The following SLC19A2 variants were observed in gnomAD, a reference collection of about 807,000 sequenced individuals.
The protein encoded by SLC19A2 is solute carrier family 19 member 2.
A neutral mutation model predicts 44.7 loss-of-function variants in SLC19A2; 27 were observed. The ratio of observed to expected loss-of-function variants is 0.60; its 90% CI spans 0.45 to 0.83. The LOEUF (loss-of-function observed/expected upper bound fraction) is 0.83, where lower values mean the gene tolerates loss of function less well. Among genes scored for constraint, SLC19A2 ranks in the 40% least tolerant of loss-of-function variants. The pLI is 0.00. For missense variants in SLC19A2, 566 were observed against 613.7 expected (o/e 0.92, Z 0.82); for synonymous variants, 239 against 243.6 (o/e 0.98, Z 0.18).
intron 5 of SLC19A2, among the ~76,000 whole-genome samples, chr1:169,466,786 T>A (rs1467842174): frequency 6.6e-6 from 1 of 151,656 alleles, no homozygotes; most frequent in African/African-American, 2.4e-5. Flanking sequence ...ATGCAGTGTT[T>A]GGTTTTCTGT....
intron 1 of SLC19A2, among the ~76,000 whole-genome samples, chr1:169,483,147 CAG>C (rs1658479985): frequency 6.6e-6 from 1 of 152,164 alleles, no homozygotes; most frequent in Non-Finnish European, 1.5e-5. Flanking sequence ...TGAGAGTAGA[CAG>C]AAGAAATCTT....
chr1:169,472,274 A>G (rs929600296), intron 2 of SLC19A2, among the ~76,000 whole-genome samples: 1 of 152,212 alleles, frequency 6.6e-6, no homozygotes, highest in Non-Finnish European at 1.5e-5. Context: ...TCAGAATTTT[A>G]CTATTTAGCT....
At chr1:169,484,978 G>T (rs577473396) in intron 1 of SLC19A2, among the ~76,000 whole-genome samples, 1 of 152,172 alleles carries the variant, frequency 6.6e-6, no homozygotes, top group African/African-American at 2.4e-5. Flanking sequence ...AGAGGGGCAG[G>T]ATATCCTTGG....
At chr1:169,471,698 G>GTGTGTGTGTGTATA (rs1553212202) in intron 2 of SLC19A2, among the ~76,000 whole-genome samples, 4 of 146,882 alleles carry the variant, frequency 2.7e-5, no homozygotes, top group East Asian at 2.2e-4. Context: ...GTGTGTGTGT[G>GTGTGTGTGTGTATA]TATATATACA....
At chr1:169,475,853 G>C (rs1056294690) in intron 2 of SLC19A2, among the ~76,000 whole-genome samples, 1 of 152,114 alleles carries the variant, frequency 6.6e-6, no homozygotes, top group Admixed American at 6.6e-5. Context: ...GCTGAAGAAC[G>C]GGGATAGAGA....
chr1:169,480,640 CTAAG>C (rs1393846393), intron 1 of SLC19A2, among the ~76,000 whole-genome samples: 5 of 152,198 alleles, frequency 3.3e-5, no homozygotes, highest in East Asian at 3.9e-4. Flanking sequence ...CTCTGTTTGA[CTAAG>C]TGTCACCTTC....
chr1:169,479,708 T>C (rs902792386), intron 1 of SLC19A2, among the ~76,000 whole-genome samples: 2 of 152,230 alleles, frequency 1.3e-5, no homozygotes, highest in African/African-American at 2.4e-5. Context: ...TTTTCCTTCC[T>C]TTTGTCAGTG....
intron 5 of SLC19A2, among the ~76,000 whole-genome samples, chr1:169,467,678 A>C (rs887014325): frequency 1.3e-5 from 2 of 152,222 alleles, no homozygotes; most frequent in Non-Finnish European, 2.9e-5. Flanking sequence ...GCAGCAAGGC[A>C]TTACCGTGGT....
rs2101770217 is a variant in SLC19A2, at chr1:169,464,174, A to C, written c.*1675T>G. The C allele has an allele frequency of 6.5e-6, 1 of 152,724 alleles. No homozygotes were observed. The highest frequency in any genetic ancestry group is 1.9e-4 in the East Asian group (1 of 5,192). The allele number at this position is 152,724 out of a possible 1,614,324, so 9.5% of individuals were successfully genotyped here. A position where few individuals can be genotyped will look rare whatever the true frequency, so the allele number is the denominator to read the frequency against. ...ATTCCAGGGAAATATTGCTTTGGTA[A>C]CATGAACAATTTGTACCACATTCCA... On this transcript the variant is annotated 3_prime_UTR_variant, in exon 6 of 6. Coordinates refer to ENST00000236137, the MANE Select transcript of SLC19A2 (RefSeq NM_006996.3).
rs1193545814 is a variant in SLC19A2 at position 169,477,701 on chromosome 1, A to C, written c.261T>G (p.Pro87=). 2 of 1,613,998 alleles carry C rather than the reference A, an allele frequency of 1.2e-6. No individual in the cohort carries two copies. Among genetic ancestry groups the C allele is most frequent in the Admixed American group, 3.3e-5 (2 of 60,026 alleles). Residue 87 remains proline (P), a synonymous_variant, in exon 2 of 6, where the codon CCT becomes CCG. Transcript: ENST00000236137. The part of the protein sequence containing the change: ...WTYSYLVLLF[P]VFLATDYLRY... ...GGAGGTAGTCTGTGGCAAGGAACACAGGAAACAGTAGCACCAGGTAAGAGT... is the reference window on the plus strand; with the variant it reads ...GGAGGTAGTCTGTGGCAAGGAACACCGGAAACAGTAGCACCAGGTAAGAGT...
chr1:169,475,362 T>C (rs1658281684), intron 2 of SLC19A2, among the ~76,000 whole-genome samples: 1 of 152,146 alleles, frequency 6.6e-6, no homozygotes, highest in African/African-American at 2.4e-5. Flanking sequence ...ATAAAATATA[T>C]ACATACCTAT....
At chr1:169,479,753 T>C (rs2101783053) in intron 1 of SLC19A2, among the ~76,000 whole-genome samples, 1 of 152,356 alleles carries the variant, frequency 6.6e-6, no homozygotes, top group Admixed American at 6.5e-5. Context: ...AAAGGTAGTT[T>C]TGGTAAAAGG....
At chr1:169,484,281 T>A (rs1302204991) in intron 1 of SLC19A2, among the ~76,000 whole-genome samples, 1 of 152,170 alleles carries the variant, frequency 6.6e-6, no homozygotes, top group East Asian at 1.9e-4. Context: ...AAACTATGAG[T>A]AACTATATCT....
At position 169,471,202 on chromosome 1, in the gene SLC19A2, T is replaced by G. The variant is rs138822699; in HGVS notation, c.808-1016A>C. ...AGACTACATGTAGATCACAATTTCA[T>G]TTACTATAAAATGTATACGTACATA... On this transcript the variant is annotated intron_variant, in intron 2 of 5. Transcript: ENST00000236137. 7.3e-4 allele frequency among the ~76,000 whole-genome samples: 111 copies of G among 152,242 alleles called. 2 individuals are homozygous for G. The East Asian group carries it at 0.021, about 29-fold the overall frequency.
In SLC19A2 at chr1:169,477,614, G is replaced by A; in HGVS notation, c.348C>T (p.Leu116=). Residue 116 remains leucine, a synonymous_variant, in exon 2 of 6, where the codon CTC becomes CTT. Transcript: ENST00000236137. ...GAATGGCCAGCAGTCCCTGGGCATA[G>A]AGCAGCATAAACCATGTAACAATAA... is the stretch of plus-strand genomic sequence containing the variant. ...LSLIVTWFML[L]YAQGLLAIQF... The A allele has an allele frequency of 6.2e-7, 1 of 1,614,152 alleles. No homozygotes were observed. The highest frequency in any genetic ancestry group is 8.5e-7 in the Non-Finnish European group (1 of 1,180,012).
At chr1:169,479,565 T>G (rs1215031593) in intron 1 of SLC19A2, among the ~76,000 whole-genome samples, 4 of 152,230 alleles carry the variant, frequency 2.6e-5, no homozygotes, top group Admixed American at 2.6e-4. Flanking sequence ...TGTAAATTAC[T>G]TACTCCACCT....
intron 1 of SLC19A2, among the ~76,000 whole-genome samples, chr1:169,480,289 A>G (rs955794881): frequency 1.3e-5 from 2 of 152,064 alleles, no homozygotes; most frequent in African/African-American, 4.8e-5. Flanking sequence ...TTTGTGGCCT[A>G]TACTTTTACA....
At position 169,485,685 on chromosome 1, in the gene SLC19A2, C is replaced by CGCG; in HGVS notation, c.79_81dup (p.Arg27dup). 2 of 1,549,074 alleles carry CGCG rather than the reference C, an allele frequency of 1.3e-6. No homozygotes were observed. Among genetic ancestry groups the CGCG allele is most frequent in the Admixed American group, 3.9e-5 (2 of 51,088 alleles). On this transcript the variant is annotated inframe_insertion, in exon 1 of 6. Coordinates refer to ENST00000236137, the MANE Select transcript of SLC19A2 (RefSeq NM_006996.3). ...AGCGCGGTCGGCAAGAACCAGCATT[C>CGCG]GCGACGGACCCGAGCGGTCCGCAGG...
chr1:169,466,711 GTGTGTTGTT>G (rs1327321290), intron 5 of SLC19A2, among the ~76,000 whole-genome samples: 1 of 151,718 alleles, frequency 6.6e-6, no homozygotes, highest in Non-Finnish European at 1.5e-5. Flanking sequence ...AGGCCCCAAT[GTGTGTTGTT>G]CCCCTCCCTG....
Sources: allele counts gnomAD v4.1 joint callset (sites outside exome capture counted in the v4.1 genomes callset), GRCh38; gene constraint gnomAD v4.1.1; transcripts MANE v1.5; gene names NCBI Gene and HGNC (gene_info 2026-07-23, HGNC 2026-07-21).